The following CAMSAP2 variants were observed in gnomAD, a reference collection of about 807,000 sequenced individuals.
CAMSAP2 encodes calmodulin regulated spectrin associated protein family member 2, also known as calmodulin-regulated spectrin-associated protein 2.
A neutral mutation model predicts 146.1 loss-of-function variants in CAMSAP2; 26 were observed. That is an observed-to-expected ratio of 0.18 (90% CI 0.13 to 0.25). The LOEUF is 0.25. Among genes scored for constraint, CAMSAP2 ranks in the 10% least tolerant of loss-of-function variants. CAMSAP2 has a pLI of 1.00. For missense variants in CAMSAP2, 1,381 were observed against 1,759.3 expected (o/e 0.78, Z 3.85); for synonymous variants, 499 against 596.6 (o/e 0.84, Z 2.38).
At chr1:200,846,050 C>T (rs1470651162) in intron 8 of CAMSAP2, among the ~76,000 whole-genome samples, 1 of 152,094 alleles carries the variant, frequency 6.6e-6, no homozygotes, top group Non-Finnish European at 1.5e-5. Flanking sequence ...TGATTTTTTA[C>T]GTTAAAACTA....
chr1:200,774,171 G>A (rs978877389), intron 2 of CAMSAP2, among the ~76,000 whole-genome samples: 1 of 152,092 alleles, frequency 6.6e-6, no homozygotes, highest in Admixed American at 6.5e-5. Context: ...TAGCAGTGAA[G>A]CAGATTGTTT....
chr1:200,739,620 AGCGGCG>A lies in CAMSAP2; in HGVS notation c.-190_-185del, dbSNP rs540847853. 46 of 304,276 alleles carry A rather than the reference AGCGGCG, an allele frequency of 1.5e-4. No individual in the cohort carries two copies. The highest frequency in any genetic ancestry group is 7.0e-4 in the African/African-American group (31 of 44,196). 18.8% of individuals were successfully genotyped at this position (304,276 alleles called of 1,614,324 possible). On this transcript the variant is annotated 5_prime_UTR_variant, in exon 1 of 17. Coordinates refer to ENST00000358823, the MANE Select transcript of CAMSAP2 (RefSeq NM_203459.4). This position sits in a 1 kb window ranked among gnomAD's most constrained non-coding sequence, Gnocchi z 4.8. Reference sequence around the variant, plus strand: ...GCGCCGCCACATTCCTATGCCCGGGAGCGGCGGCGGCGGCGGCGGCGGCTCCCGCGG... The same window carrying A: ...GCGCCGCCACATTCCTATGCCCGGGAGCGGCGGCGGCGGCGGCTCCCGCGG...
At chr1:200,806,765 G>GTATCTATC (rs149381434) in intron 2 of CAMSAP2, among the ~76,000 whole-genome samples, 1,778 of 140,200 alleles carry the variant, frequency 0.013, 22 homozygotes, top group East Asian at 0.027. Flanking sequence ...GTGTGTGTGT[G>GTATCTATC]TATCTATCTA....
chr1:200,845,322 T>C (rs1295870364), intron 8 of CAMSAP2, among the ~76,000 whole-genome samples: 4 of 152,080 alleles, frequency 2.6e-5, no homozygotes, highest in African/African-American at 9.7e-5. Context: ...CGGGTGGGTT[T>C]GGTCTCTTGG....
chr1:200,782,782 CTTTTTTTTTTTTTTT>C (rs57995961), intron 2 of CAMSAP2, among the ~76,000 whole-genome samples: 1 of 72,242 alleles, frequency 1.4e-5, no homozygotes, highest in South Asian at 5.2e-4. Flanking sequence ...TCATTTCTCT[CTTTTTTTTTTTTTTT>C]TTTTTTTTTT....
chr1:200,772,404 T>A (rs1232216563), intron 2 of CAMSAP2, among the ~76,000 whole-genome samples: 1 of 151,802 alleles, frequency 6.6e-6, no homozygotes, highest in Non-Finnish European at 1.5e-5. Flanking sequence ...AGGCCAAGAG[T>A]TTGAGACCAG....
At chr1:200,834,198 A>C (rs1476401645) in intron 6 of CAMSAP2, among the ~76,000 whole-genome samples, 2 of 152,110 alleles carry the variant, frequency 1.3e-5, no homozygotes, top group African/African-American at 4.8e-5. Flanking sequence ...CCTCACGTTT[A>C]CTAAAAATAC....
intron 15 of CAMSAP2, among the ~76,000 whole-genome samples, chr1:200,856,721 C>T (rs1667760494): frequency 1.3e-5 from 2 of 152,084 alleles, no homozygotes; most frequent in African/African-American, 4.8e-5. Flanking sequence ...TGGGGAAGAG[C>T]AGAGGGAAAA....
intron 2 of CAMSAP2, among the ~76,000 whole-genome samples, chr1:200,778,247 A>T (rs1265935664): frequency 6.6e-6 from 1 of 152,228 alleles, no homozygotes; most frequent in Non-Finnish European, 1.5e-5. Context: ...AGAATTAAAT[A>T]TATTTTTTAA....
intron 15 of CAMSAP2, among the ~76,000 whole-genome samples, chr1:200,856,355 T>C (rs540232410): frequency 1.3e-5 from 2 of 152,360 alleles, no homozygotes; most frequent in South Asian, 4.1e-4. Context: ...TGTGTGTAGT[T>C]TGGGTCCGAA....
At chr1:200,856,915 A>C (rs1382832619) in intron 15 of CAMSAP2, among the ~76,000 whole-genome samples, 3 of 152,206 alleles carry the variant, frequency 2.0e-5, no homozygotes, top group Non-Finnish European at 4.4e-5. Flanking sequence ...TCTCTATGTT[A>C]GTTCAGTTGA....
intron 2 of CAMSAP2, among the ~76,000 whole-genome samples, chr1:200,791,462 T>C (rs1665749547): frequency 6.6e-6 from 1 of 152,202 alleles, no homozygotes; most frequent in Non-Finnish European, 1.5e-5. Flanking sequence ...TCCCCCACCA[T>C]GTTTTTTAGA....
chr1:200,761,307 A>T (rs1664794312), intron 2 of CAMSAP2, among the ~76,000 whole-genome samples: 1 of 152,236 alleles, frequency 6.6e-6, no homozygotes, highest in South Asian at 2.1e-4. Flanking sequence ...ACCTTGGAGA[A>T]ACAACTACAT....
chr1:200,769,065 A>G (rs1391852313), intron 2 of CAMSAP2, among the ~76,000 whole-genome samples: 1 of 152,164 alleles, frequency 6.6e-6, no homozygotes, highest in Non-Finnish European at 1.5e-5. Context: ...CCCTTATGTC[A>G]ACTCTAATTA....
At chr1:200,817,221 T>C (rs74708533) in intron 4 of CAMSAP2, among the ~76,000 whole-genome samples, 12 of 81,000 alleles carry the variant, frequency 1.5e-4, no homozygotes, top group South Asian at 5.1e-4. Context: ...TACACACATA[T>C]GTGTGTGTAT....
At position 200,847,239 on chromosome 1, in the gene CAMSAP2, A is replaced by T; in HGVS notation, c.1139A>T (p.His380Leu). The T allele has an allele frequency of 6.2e-7, 1 of 1,610,938 alleles. No individual in the cohort carries two copies. Among genetic ancestry groups the T allele is most frequent in the South Asian group, 1.1e-5 (1 of 90,894 alleles). Residue 380 changes from histidine to leucine, a missense_variant, in exon 9 of 17, where the codon CAT (histidine) becomes CTT (leucine). Transcript: ENST00000358823. ...SGEGATFTQS[H>L]HHLPSRYSRP... Reference sequence around the variant, plus strand: ...GAAGGAGCTACATTTACACAGTCTCATCATCATTTGCCTTCTAGGTATTCA... The same window carrying T: ...GAAGGAGCTACATTTACACAGTCTCTTCATCATTTGCCTTCTAGGTATTCA...
intron 8 of CAMSAP2, among the ~76,000 whole-genome samples, chr1:200,845,360 G>C (rs1243229303): frequency 6.6e-6 from 1 of 151,898 alleles, no homozygotes; most frequent in Non-Finnish European, 1.5e-5. Context: ...CCACAACCAA[G>C]GAGGATTTAA....
intron 1 of CAMSAP2, among the ~76,000 whole-genome samples, chr1:200,755,484 T>G (rs982546279): frequency 6.6e-5 from 10 of 152,146 alleles, no homozygotes; most frequent in Non-Finnish European, 1.3e-4. Context: ...AAGAGCTGAG[T>G]AGGCTGATGG....
chr1:200,772,246 T>A (rs969254165), intron 2 of CAMSAP2, among the ~76,000 whole-genome samples: 24 of 152,082 alleles, frequency 1.6e-4, no homozygotes, highest in Non-Finnish European at 2.5e-4. Flanking sequence ...GAAAAAAAAA[T>A]ATGGGTTGTG....
Sources: gnomAD v4.1 joint callset for allele counts (sites outside exome capture counted in the v4.1 genomes callset) on GRCh38, gnomAD v4.1.1 for gene constraint, Gnocchi (gnomAD v3.1) non-coding constraint, MANE v1.5 for transcripts, NCBI Gene and HGNC (gene_info 2026-07-23, HGNC 2026-07-21) for gene names.